Variants in NBEA observed in about 807,000 individuals in gnomAD.
NBEA encodes neurobeachin.
Under a neutral mutation model 343.4 loss-of-function variants are expected in NBEA, and 44 were observed. That is an observed-to-expected ratio of 0.13 (90% CI 0.10 to 0.16). The LOEUF (loss-of-function observed/expected upper bound fraction) is 0.16. Ranked by LOEUF, NBEA falls within the 10% of genes least tolerant of loss-of-function variation. NBEA has a pLI of 1.00. For synonymous variants in NBEA, 1,175 were observed against 1,238.7 expected (o/e 0.95, Z 1.08); for missense variants, 2,555 against 3,631.3 (o/e 0.70, Z 7.62).
intron 34 of NBEA, among the ~76,000 whole-genome samples, chr13:35,286,225 G>GT (rs1247066890): frequency 6.6e-6 from 1 of 152,150 alleles, no homozygotes; most frequent in Non-Finnish European, 1.5e-5. Context: ...TTTGGTAAAT[G>GT]TTTTTTGAAT....
chr13:35,228,670 T>TA (rs1158497142), intron 33 of NBEA, among the ~76,000 whole-genome samples: 14 of 152,214 alleles, frequency 9.2e-5, no homozygotes, highest in Middle Eastern at 6.8e-3. Context: ...TCACTTAAGA[T>TA]AATGGCCTCC....
chr13:35,064,617 A>T (rs2063583861), intron 8 of NBEA, among the ~76,000 whole-genome samples: 2 of 152,012 alleles, frequency 1.3e-5, no homozygotes, highest in Admixed American at 1.3e-4. Flanking sequence ...ATTCACTAAA[A>T]TTCTAACCCT....
intron 38 of NBEA, among the ~76,000 whole-genome samples, chr13:35,397,758 G>T: frequency 6.6e-6 from 1 of 152,080 alleles, no homozygotes; most frequent in Non-Finnish European, 1.5e-5. Flanking sequence ...TTATGTCAAA[G>T]AAATGAAAAC....
intron 24 of NBEA, among the ~76,000 whole-genome samples, chr13:35,165,865 A>G (rs2069979642): frequency 6.6e-6 from 1 of 151,528 alleles, no homozygotes; most frequent in Non-Finnish European, 1.5e-5. Context: ...TTGTATTTTT[A>G]GTAGTTATGG....
intron 1 of NBEA, among the ~76,000 whole-genome samples, chr13:35,003,965 T>C (rs935205434): frequency 7.9e-5 from 12 of 152,100 alleles, no homozygotes; most frequent in Admixed American, 6.6e-5. Flanking sequence ...GGTGTGTTGT[T>C]CCCCTCCCTG....
At chr13:34,976,647 G>GT (rs1279170590) in intron 1 of NBEA, among the ~76,000 whole-genome samples, 81 of 141,866 alleles carry the variant, frequency 5.7e-4, no homozygotes, top group African/African-American at 1.8e-3. Context: ...TTTTTTCTTT[G>GT]TTTTTTGTTT....
rs1054630879 is a variant in NBEA, at chr13:35,452,422, A to G, written c.6448+187A>G. Among the ~76,000 whole-genome samples, 3 of 152,296 alleles carry G rather than the reference A, an allele frequency of 2.0e-5. No individual in the cohort carries two copies. The East Asian group carries it at 5.8e-4, about 29-fold the overall frequency. On this transcript the variant is annotated intron_variant, in intron 40 of 58. Coordinates refer to ENST00000379939, the MANE Select transcript of NBEA (RefSeq NM_001385012.1). ...AGAACCCCAAAGAAATGTGTATTTT[A>G]TTGGCAATAAATGAATATCATCAAA... is the stretch of plus-strand genomic sequence containing the variant.
chr13:35,074,406 C>T (rs1420910407), intron 10 of NBEA, among the ~76,000 whole-genome samples: 1 of 151,922 alleles, frequency 6.6e-6, no homozygotes, highest in African/African-American at 2.4e-5. Context: ...CATTGTGTGA[C>T]CTAAGACAGT....
rs2084238435 is a variant in NBEA, at chr13:35,646,448, CTCG to C, written c.7770+101_7770+103del. On this transcript the variant is annotated intron_variant, in intron 51 of 58. Coordinates refer to ENST00000379939, the MANE Select transcript of NBEA (RefSeq NM_001385012.1). ...TTTAACAGCATATTTTAAAAGGCTT[CTCG>C]ATTTATTGGTTAACTCTTCAGCCTA... The C allele has an allele frequency of 4.7e-6, 4 of 850,268 alleles. No individual in the cohort carries two copies. In the South Asian group the frequency reaches 6.2e-5, roughly 13 times the overall value. The allele number at this position is 850,268 out of a possible 1,614,324, so 52.7% of individuals were successfully genotyped here. A position where few individuals can be genotyped will look rare whatever the true frequency, so the allele number is the denominator to read the frequency against.
chr13:35,600,413 A>G (rs188758383), intron 47 of NBEA, among the ~76,000 whole-genome samples: 16 of 152,242 alleles, frequency 1.1e-4, no homozygotes, highest in Non-Finnish European at 8.8e-5. Flanking sequence ...TACTTGCATC[A>G]TCTGAACTGT....
intron 1 of NBEA, among the ~76,000 whole-genome samples, chr13:35,015,922 T>A (rs975984305): frequency 2.0e-5 from 3 of 152,130 alleles, no homozygotes; most frequent in African/African-American, 7.2e-5. Context: ...ATTTTGAGAT[T>A]CGGATAAAAA....
chr13:35,044,829 TAGAGAG>T (rs372735958), intron 2 of NBEA, 112 bp from the exon 3 acceptor site: 7,952 of 381,854 alleles, frequency 0.021, 118 homozygotes, highest in South Asian at 0.069. Flanking sequence ...TATATATATA[TAGAGAG>T]AGAGAGAGAG....
chr13:35,256,152 G>C (rs1028245445), intron 34 of NBEA, among the ~76,000 whole-genome samples: 3 of 152,278 alleles, frequency 2.0e-5, no homozygotes, highest in Admixed American at 2.0e-4. Flanking sequence ...GCAGAGAGGA[G>C]ACCTGCAATG....
rs1228152176 is a variant in NBEA at position 35,206,414 on chromosome 13, G to T, written c.5367-2286G>T. On this transcript the variant is annotated intron_variant, in intron 31 of 58. Coordinates refer to ENST00000379939, the MANE Select transcript of NBEA (RefSeq NM_001385012.1). ...CTGTTCTAAAAAAATCATGAGAGAT[G>T]CAGAAAAAAGAGCATTATACTTTCA... Among the ~76,000 whole-genome samples the T allele has an allele frequency of 2.6e-5, 4 of 152,132 alleles. No individual in the cohort carries two copies. The East Asian group carries it at 7.7e-4, about 29-fold the overall frequency.
intron 1 of NBEA, among the ~76,000 whole-genome samples, chr13:35,030,849 G>A (rs905424242): frequency 9.9e-5 from 15 of 151,478 alleles, no homozygotes; most frequent in African/African-American, 3.1e-4. Context: ...CATAGAAAGG[G>A]GCAATGTGTT....
chr13:35,477,963 T>C (rs1054829274), intron 41 of NBEA, among the ~76,000 whole-genome samples: 13 of 152,284 alleles, frequency 8.5e-5, no homozygotes, highest in Admixed American at 4.6e-4. Flanking sequence ...AGTGGTTACG[T>C]TGTGGTTTTT....
At chr13:35,025,687 G>A (rs1301710179) in intron 1 of NBEA, among the ~76,000 whole-genome samples, 10 of 152,078 alleles carry the variant, frequency 6.6e-5, no homozygotes, top group Non-Finnish European at 1.5e-5. Flanking sequence ...TAAAAGAGAT[G>A]TCTCATCCTT....
At chr13:35,410,289 T>A (rs576322200) in intron 38 of NBEA, among the ~76,000 whole-genome samples, 26 of 152,316 alleles carry the variant, frequency 1.7e-4, no homozygotes, top group African/African-American at 5.8e-4. Flanking sequence ...TTTGACTATC[T>A]GAGCCATAGC....
At chr13:34,954,571 G>A (rs978023832) in intron 1 of NBEA, among the ~76,000 whole-genome samples, 9 of 151,988 alleles carry the variant, frequency 5.9e-5, no homozygotes, top group Admixed American at 5.2e-4. Context: ...TTTTGAGTGG[G>A]GGATGATTGG....
Sources: gnomAD v4.1 joint callset for allele counts (sites outside exome capture counted in the v4.1 genomes callset) on GRCh38, gnomAD v4.1.1 for gene constraint, MANE v1.5 for transcripts, NCBI Gene and HGNC (gene_info 2026-07-23, HGNC 2026-07-21) for gene names.